The following KCNQ3 variants were observed in gnomAD, a reference collection of about 807,000 sequenced individuals.
KCNQ3 encodes potassium voltage-gated channel subfamily KQT member 3.
Under a neutral mutation model 92.5 loss-of-function variants are expected in KCNQ3, and 30 were observed. The observed-to-expected ratio is 0.32, with a 90% confidence interval of 0.24 to 0.44. The LOEUF (loss-of-function observed/expected upper bound fraction) is 0.44. KCNQ3 is among the 20% of genes least tolerant of loss of function. The pLI is 1.00. For synonymous variants in KCNQ3, 450 were observed against 468.8 expected, an observed-to-expected ratio of 0.96 and a Z score of 0.52; for missense variants, 913 against 1,140.3, an observed-to-expected ratio of 0.80 and a Z score of 2.87.
At chr8:132,473,543 TAC>T (rs1352592254) in intron 1 of KCNQ3, among the ~76,000 whole-genome samples, 1 of 152,224 alleles carries the variant, frequency 6.6e-6, no homozygotes, top group African/African-American at 2.4e-5. Context: ...GAGTTCCTGG[TAC>T]AGAGAAGGCA....
At chr8:132,380,896 A>G (rs1259938795) in intron 1 of KCNQ3, among the ~76,000 whole-genome samples, 1 of 150,244 alleles carries the variant, frequency 6.7e-6, no homozygotes, top group Admixed American at 6.7e-5. Context: ...GGCAGGAACT[A>G]ATACCTTCTT....
intron 1 of KCNQ3, among the ~76,000 whole-genome samples, chr8:132,365,164 A>T (rs913953557): frequency 3.9e-5 from 6 of 152,212 alleles, no homozygotes; most frequent in Non-Finnish European, 7.3e-5. Flanking sequence ...AAGCATGAAG[A>T]CTAGCCACAG....
At chr8:132,363,414 GC>G (rs1563879587) in intron 1 of KCNQ3, among the ~76,000 whole-genome samples, 1 of 152,144 alleles carries the variant, frequency 6.6e-6, no homozygotes, top group African/African-American at 2.4e-5. Flanking sequence ...CCCTTGGAAT[GC>G]ACTTTGGAAA....
chr8:132,478,443 C>G (rs188994942), intron 1 of KCNQ3, among the ~76,000 whole-genome samples: 15 of 152,326 alleles, frequency 9.8e-5, no homozygotes, highest in Admixed American at 6.5e-4. Flanking sequence ...ACTCAACGAA[C>G]TTCTTGTGCC....
intron 1 of KCNQ3, among the ~76,000 whole-genome samples, chr8:132,424,862 G>A (rs1821068349): frequency 6.6e-6 from 1 of 152,160 alleles, no homozygotes; most frequent in South Asian, 2.1e-4. Context: ...CAAGGACAAG[G>A]ACACTGTCAC....
rs76650894 is a variant in KCNQ3, at chr8:132,196,835, A to G, written c.387-10654T>C. 9.9e-3 allele frequency among the ~76,000 whole-genome samples: 1,508 copies of G among 152,322 alleles called. 24 individuals are homozygous for G. Among genetic ancestry groups the G allele is most frequent in the African/African-American group, 0.035 (1,438 of 41,558 alleles). On this transcript the variant is annotated intron_variant, in intron 1 of 14. Coordinates refer to ENST00000388996, the MANE Select transcript of KCNQ3 (RefSeq NM_004519.4). Reference sequence around the variant, plus strand: ...ATTTCAGACCTCAGCTTTGCCACTTAGCACCTAAGGGATTGTTTCCTCATC... The same window carrying G: ...ATTTCAGACCTCAGCTTTGCCACTTGGCACCTAAGGGATTGTTTCCTCATC...
chr8:132,142,744 G>A (rs984133544), intron 9 of KCNQ3, among the ~76,000 whole-genome samples: 6 of 152,178 alleles, frequency 3.9e-5, no homozygotes, highest in Non-Finnish European at 8.8e-5. Flanking sequence ...CGATAATTTT[G>A]TGTTTTCTGA....
Position 132,383,689 on chromosome 8 carries a change from C to T in KCNQ3, c.386+96458G>A, listed in dbSNP as rs144443945. The stretch of plus-strand genomic sequence containing the variant: ...CGAAGCAGTGCCTGGTACATGCACA[C>T]ACAGAGGATGCAGACCTTGTGGATG... On this transcript the variant is annotated intron_variant, in intron 1 of 14. Transcript: ENST00000388996. Among the ~76,000 whole-genome samples, 323 of 152,300 alleles carry T rather than the reference C, an allele frequency of 2.1e-3. 1 individual carries two copies. Among genetic ancestry groups the T allele is most frequent in the Non-Finnish European group, 3.7e-3 (255 of 68,018 alleles).
chr8:132,331,960 T>C (rs1818244710), intron 1 of KCNQ3, among the ~76,000 whole-genome samples: 1 of 152,182 alleles, frequency 6.6e-6, no homozygotes, highest in Non-Finnish European at 1.5e-5. Context: ...TAAGATGCTC[T>C]GATCATGCTT....
intron 1 of KCNQ3, among the ~76,000 whole-genome samples, chr8:132,468,508 G>C (rs986867704): frequency 6.6e-6 from 1 of 152,244 alleles, no homozygotes; most frequent in East Asian, 1.9e-4. Flanking sequence ...CTTTGGGTAG[G>C]ACACCAGCTT....
intron 1 of KCNQ3, among the ~76,000 whole-genome samples, chr8:132,310,958 T>G (rs1817576323): frequency 6.6e-6 from 1 of 151,890 alleles, no homozygotes. Context: ...TTTTTTTTTT[T>G]TGAGATGGAG....
chr8:132,312,970 A>G (rs565605475), intron 1 of KCNQ3, among the ~76,000 whole-genome samples: 5 of 152,364 alleles, frequency 3.3e-5, no homozygotes, highest in African/African-American at 1.2e-4. Context: ...TCAAAACTGC[A>G]CAAAACCATT....
At chr8:132,419,715 G>T (rs916636388) in intron 1 of KCNQ3, among the ~76,000 whole-genome samples, 4 of 152,152 alleles carry the variant, frequency 2.6e-5, no homozygotes, top group South Asian at 2.1e-4. Flanking sequence ...AATCTTTGAT[G>T]GTCAATATTA....
At chr8:132,187,413 C>T (rs945534828) in intron 1 of KCNQ3, among the ~76,000 whole-genome samples, 22 of 152,176 alleles carry the variant, frequency 1.4e-4, no homozygotes, top group Admixed American at 1.4e-3. Flanking sequence ...CCAAGTACTG[C>T]CTCTGACCCT....
intron 1 of KCNQ3, among the ~76,000 whole-genome samples, chr8:132,435,288 G>T (rs1047705776): frequency 6.6e-6 from 1 of 152,200 alleles, no homozygotes; most frequent in Non-Finnish European, 1.5e-5. Flanking sequence ...TCTGTGGAAT[G>T]TAACAGTGAG....
chr8:132,476,453 G>A (rs1822414137), intron 1 of KCNQ3, among the ~76,000 whole-genome samples: 1 of 152,248 alleles, frequency 6.6e-6, no homozygotes, highest in Admixed American at 6.5e-5. Flanking sequence ...CACAAGGGTG[G>A]AGCTGCCCAA....
At chr8:132,153,853 CTCCCT>C (rs1204629767) in intron 9 of KCNQ3, among the ~76,000 whole-genome samples, 1 of 152,066 alleles carries the variant, frequency 6.6e-6, no homozygotes, top group Non-Finnish European at 1.5e-5. Context: ...CTCATTTTCC[CTCCCT>C]TATGTACCCT....
intron 1 of KCNQ3, among the ~76,000 whole-genome samples, chr8:132,332,680 TCAAGC>T (rs1413419551): frequency 6.6e-6 from 1 of 152,262 alleles, no homozygotes. Context: ...TCCCATAATG[TCAAGC>T]CAATTGAGCT....
intron 1 of KCNQ3, among the ~76,000 whole-genome samples, chr8:132,187,763 T>TGGTGGC (rs1827024352): frequency 6.7e-6 from 1 of 149,472 alleles, no homozygotes; most frequent in African/African-American, 2.5e-5. Context: ...GTAGTGATGA[T>TGGTGGC]GGTGGTAGTG....
Sources: gnomAD v4.1 joint callset for allele counts (sites outside exome capture counted in the v4.1 genomes callset) on GRCh38, gnomAD v4.1.1 for gene constraint, MANE v1.5 for transcripts, NCBI Gene and HGNC (gene_info 2026-07-23, HGNC 2026-07-21) for gene names.